The following LSAMP variants were observed in gnomAD, a reference collection of about 807,000 sequenced individuals.
LSAMP encodes the protein limbic system associated membrane protein.
Under a neutral mutation model 38.6 loss-of-function variants are expected in LSAMP, and 7 were observed. The ratio of observed to expected loss-of-function variants is 0.18; its 90% CI spans 0.10 to 0.34. The LOEUF is 0.34. LSAMP is among the 10% of genes least tolerant of loss of function. The pLI is 1.00. For synonymous variants in LSAMP, 154 were observed against 166.8 expected, an observed-to-expected ratio of 0.92 and a Z score of 0.59; for missense variants, 313 against 420.0, an observed-to-expected ratio of 0.75 and a Z score of 2.23.
intron 3 of LSAMP, among the ~76,000 whole-genome samples, chr3:115,976,522 GC>G (rs1939192966): frequency 6.6e-6 from 1 of 152,150 alleles, no homozygotes; most frequent in African/African-American, 2.4e-5. Context: ...GATTTCAGAA[GC>G]AATTTTAAAA....
intron 1 of LSAMP, among the ~76,000 whole-genome samples, chr3:116,208,750 C>T: frequency 6.6e-6 from 1 of 152,210 alleles, no homozygotes; most frequent in East Asian, 1.9e-4. Flanking sequence ...AGGAGGCTGT[C>T]TGCTGTTCTC....
At chr3:115,969,698 T>C (rs1375639641) in intron 3 of LSAMP, among the ~76,000 whole-genome samples, 1 of 152,224 alleles carries the variant, frequency 6.6e-6, no homozygotes, top group Admixed American at 6.5e-5. Flanking sequence ...AATATTATTA[T>C]CTTTATTAAT....
intron 1 of LSAMP, among the ~76,000 whole-genome samples, chr3:116,119,828 T>C (rs1243171304): frequency 6.6e-6 from 1 of 151,900 alleles, no homozygotes; most frequent in Non-Finnish European, 1.5e-5. Context: ...ACCCAGCTAA[T>C]TTTTGTATTT....
At chr3:116,332,636 T>C (rs898551275) in intron 1 of LSAMP, among the ~76,000 whole-genome samples, 1 of 152,176 alleles carries the variant, frequency 6.6e-6, no homozygotes, top group Non-Finnish European at 1.5e-5. Flanking sequence ...AGTAAATCTG[T>C]TCCTATCTGT....
intron 1 of LSAMP, among the ~76,000 whole-genome samples, chr3:116,253,732 G>C (rs2107651079): frequency 6.6e-6 from 1 of 152,218 alleles, no homozygotes; most frequent in Non-Finnish European, 1.5e-5. Context: ...CAGGAAGAAA[G>C]TAAATAAATA....
chr3:115,855,376 T>A (rs982979884), intron 3 of LSAMP, among the ~76,000 whole-genome samples: 2 of 152,198 alleles, frequency 1.3e-5, no homozygotes, highest in African/African-American at 4.8e-5. Flanking sequence ...GATAAGCAGA[T>A]AATAAAACAT....
intron 1 of LSAMP, among the ~76,000 whole-genome samples, chr3:116,228,866 T>G (rs751461303): frequency 1.8e-4 from 27 of 152,106 alleles, no homozygotes; most frequent in Non-Finnish European, 3.4e-4. Context: ...ATATTCAATA[T>G]CTCATCCAGT....
chr3:116,171,779 G>A (rs1023531016), intron 1 of LSAMP, among the ~76,000 whole-genome samples: 1 of 152,026 alleles, frequency 6.6e-6, no homozygotes, highest in Non-Finnish European at 1.5e-5. Flanking sequence ...TGGAGTATAA[G>A]GAGCAGGTGG....
chr3:115,929,217 A>G (rs1937541673), intron 3 of LSAMP, among the ~76,000 whole-genome samples: 1 of 152,148 alleles, frequency 6.6e-6, no homozygotes, highest in African/African-American at 2.4e-5. Flanking sequence ...ACAAAAAACA[A>G]ATAAGAAAAC....
intron 2 of LSAMP, among the ~76,000 whole-genome samples, chr3:116,037,186 A>G (rs1041989651): frequency 6.6e-6 from 1 of 152,184 alleles, no homozygotes; most frequent in Non-Finnish European, 1.5e-5. Flanking sequence ...AAACAATTCT[A>G]TATTTGGCAT....
intron 1 of LSAMP, among the ~76,000 whole-genome samples, chr3:116,193,925 C>T (rs1710813879): frequency 7.3e-6 from 1 of 136,722 alleles, no homozygotes; most frequent in Non-Finnish European, 1.6e-5. Context: ...TTTGCTGACC[C>T]TAGTTCAGTC....
chr3:116,011,149 G>A (rs111727803), intron 3 of LSAMP, among the ~76,000 whole-genome samples: 204 of 152,056 alleles, frequency 1.3e-3, no homozygotes, highest in Non-Finnish European at 1.9e-3. Flanking sequence ...GACCACAGGC[G>A]CACGCCACCA....
intron 3 of LSAMP, among the ~76,000 whole-genome samples, chr3:115,917,640 C>T (rs1465063452): frequency 2.6e-5 from 4 of 151,452 alleles, no homozygotes; most frequent in Non-Finnish European, 5.9e-5. Context: ...AAATTAATGA[C>T]CTTTTTTTTT....
At chr3:116,343,197 G>A (rs978815890) in intron 1 of LSAMP, among the ~76,000 whole-genome samples, 1 of 152,098 alleles carries the variant, frequency 6.6e-6, no homozygotes. Context: ...TGATGGATTT[G>A]GAAAGACAGG....
At chr3:115,815,484 C>A (rs1319926525) in intron 6 of LSAMP, among the ~76,000 whole-genome samples, 1 of 152,108 alleles carries the variant, frequency 6.6e-6, no homozygotes, top group Non-Finnish European at 1.5e-5. Flanking sequence ...CTCTATAAAG[C>A]GAGATTTTGG....
At chr3:116,139,901 T>C (rs2107513762) in intron 1 of LSAMP, among the ~76,000 whole-genome samples, 1 of 152,126 alleles carries the variant, frequency 6.6e-6, no homozygotes, top group East Asian at 1.9e-4. Flanking sequence ...TTGTCTGTGG[T>C]TCTTGTAGAA....
intron 6 of LSAMP, among the ~76,000 whole-genome samples, chr3:115,822,749 T>C (rs1344706346): frequency 6.6e-6 from 1 of 152,166 alleles, no homozygotes; most frequent in African/African-American, 2.4e-5. Context: ...AATCTTAGCA[T>C]GTCATCAATA....
intron 1 of LSAMP, among the ~76,000 whole-genome samples, chr3:116,173,229 G>T (rs1188247749): frequency 1.3e-5 from 2 of 152,014 alleles, no homozygotes; most frequent in Non-Finnish European, 2.9e-5. Flanking sequence ...AAAAAAGGAG[G>T]CAGGTTAGCT....
intron 6 of LSAMP, 27 bp from the exon 7 acceptor site, chr3:115,810,441 A>G: frequency 6.6e-7 from 1 of 1,521,036 alleles, no homozygotes; most frequent in African/African-American, 1.4e-5. Flanking sequence ...GAGAGAGAAA[A>G]AGAGAATGAG....
Sources: gnomAD v4.1 joint callset for allele counts (sites outside exome capture counted in the v4.1 genomes callset) on GRCh38, gnomAD v4.1.1 for gene constraint, MANE v1.5 for transcripts, NCBI Gene and HGNC (gene_info 2026-07-23, HGNC 2026-07-21) for gene names.